TNXB: variants seen among roughly 807,000 people sequenced by gnomAD.
TNXB encodes tenascin-X.
TNXB carries 183 observed loss-of-function variants against 340.5 expected under a neutral mutation model. The ratio of observed to expected loss-of-function variants is 0.54; its 90% CI spans 0.48 to 0.61. The LOEUF (loss-of-function observed/expected upper bound fraction) is 0.61. Ranked by LOEUF, TNXB falls within the 20% of genes least tolerant of loss-of-function variation. The pLI is 0.00. For missense variants in TNXB, 4,613 were observed against 5,446.4 expected, an observed-to-expected ratio of 0.85 and a Z score of 4.82; for synonymous variants, 2,121 against 2,314.5, an observed-to-expected ratio of 0.92 and a Z score of 2.40.
In TNXB at chr6:32,084,606, GA is replaced by G; in HGVS notation, c.3251del (p.Val1084AlafsTer10). The G allele has an allele frequency of 6.2e-7, 1 of 1,608,160 alleles. No homozygotes were observed. Among genetic ancestry groups the G allele is most frequent in the Non-Finnish European group, 8.5e-7 (1 of 1,178,388 alleles). ...TSDSLLLRWTVPEGEFDSFVI... is the reference protein window; with the variant it reads ...TSDSLLLRWTXPEGEFDSFVI... ...CGAAGGAGTCAAACTCGCCCTCGGGGACCGTCCAGCGCAGGAGCAAGGAGTC... is the reference window on the plus strand; with the variant it reads ...CGAAGGAGTCAAACTCGCCCTCGGGGCCGTCCAGCGCAGGAGCAAGGAGTC... On this transcript the variant is annotated frameshift_variant, in exon 8 of 44. Transcript: ENST00000644971. LOFTEE classifies it high-confidence loss of function. The surrounding 1 kb of genome is among the most constrained non-coding windows in gnomAD (Gnocchi z 5.5).
rs766824889 is a variant in TNXB, at chr6:32,062,300, C to T, written c.7025G>A (p.Gly2342Glu). The T allele has an allele frequency of 2.5e-6, 4 of 1,613,466 alleles. No individual in the cohort carries two copies. The highest frequency in any genetic ancestry group is 2.5e-6 in the Non-Finnish European group (3 of 1,179,850). Residue 2342 changes from glycine (G) to glutamate (E), a missense_variant, in exon 20 of 44, where the codon GGG becomes GAG. By Grantham distance (98) the Gly-to-Glu change is moderately conservative. Coordinates refer to ENST00000644971, the MANE Select transcript of TNXB (RefSeq NM_001365276.2). This position sits in a 1 kb window ranked among gnomAD's most constrained non-coding sequence, Gnocchi z 4.3. ...TGGCACCCGTGTTGCCTTGGGCTGC[C>T]CATCCCCATTCTTGTACTGGACCAG... is the stretch of plus-strand genomic sequence containing the variant. The part of the protein sequence containing the change: ...HFLVQYKNGD[G>E]QPKATRVPGH...
chr6:32,097,434 C>G lies in TNXB; in HGVS notation c.419G>C (p.Arg140Pro), dbSNP rs758876550. The change falls in exon 3 of 44, where the codon CGG (arginine) becomes CCG (proline). Residue 140 changes from arginine to proline, a missense_variant. Arg to Pro is a moderately radical substitution (Grantham distance 103). Transcript: ENST00000644971. The surrounding 1 kb of genome is among the most constrained non-coding windows in gnomAD (Gnocchi z 5.9). Reference sequence around the variant, plus strand: ...CACACCATGGAGACTGCAGAGGGTCCGCACATCTGTCTGACCTGGAGTAGG... The same window carrying G: ...CACACCATGGAGACTGCAGAGGGTCGGCACATCTGTCTGACCTGGAGTAGG... Reference protein sequence around the residue: ...AQAGTGQTDVRTLCSLHGVFD... With the variant: ...AQAGTGQTDVPTLCSLHGVFD... The G allele has an allele frequency of 3.8e-6, 6 of 1,597,078 alleles. No homozygotes were observed. The Admixed American group carries it at 6.7e-5, about 18-fold the overall frequency.
At position 32,061,470 on chromosome 6, in the gene TNXB, G is replaced by A; in HGVS notation, c.7419C>T (p.Arg2473=). 1 of 1,613,528 alleles carries A rather than the reference G, an allele frequency of 6.2e-7. No homozygotes were observed. The highest frequency in any genetic ancestry group is 8.5e-7 in the Non-Finnish European group (1 of 1,179,850). ...GGCCATACAGGTGCATCTTGTATTT[G>A]CGCCCAGGCTCCAGGCCCCCCACGG... is the stretch of plus-strand genomic sequence containing the variant. ...EVTVGGLEPG[R]KYKMHLYGLH... Residue 2473 remains arginine, a synonymous_variant, in exon 21 of 44, where the codon CGC becomes CGT. Coordinates refer to ENST00000644971, the MANE Select transcript of TNXB (RefSeq NM_001365276.2). This position sits in a 1 kb window ranked among gnomAD's most constrained non-coding sequence, Gnocchi z 4.4.
intron 22 of TNXB, among the ~76,000 whole-genome samples, chr6:32,057,809 T>C (rs913082103): frequency 6.6e-6 from 1 of 152,178 alleles, no homozygotes; most frequent in Non-Finnish European, 1.5e-5. Flanking sequence ...TGGGTACCCA[T>C]GGGCAGGGTG....
At position 32,049,211 on chromosome 6, in the gene TNXB, AGAAACACAAGG is replaced by A. The variant is rs1249515754; in HGVS notation, c.9757+48_9757+58del. 2 of 1,545,638 alleles carry A rather than the reference AGAAACACAAGG, an allele frequency of 1.3e-6. No homozygotes were observed. The highest frequency in any genetic ancestry group is 1.7e-6 in the Non-Finnish European group (2 of 1,145,674). On this transcript the variant is annotated intron_variant, in intron 28 of 43. Transcript: ENST00000644971. The surrounding 1 kb of genome is among the most constrained non-coding windows in gnomAD (Gnocchi z 4.5). ...CAAAAGAGGTGCCAAGATCCAAAGG[AGAAACACAAGG>A]GGGCTGCAGAGGTAAACCTGGGGAC...
chr6:32,062,387 T>A lies in TNXB; in HGVS notation c.6938A>T (p.Asp2313Val), dbSNP rs1363350812. Reference sequence around the variant, plus strand: ...CAGGCTGAGGGAGTCAGGGGTCGCATCTGTCACGGTCAGCTCCTCCAGGCG... The same window carrying A: ...CAGGCTGAGGGAGTCAGGGGTCGCAACTGTCACGGTCAGCTCCTCCAGGCG... Reference protein sequence around the residue: ...KPRLEELTVTDATPDSLSLSW... With the variant: ...KPRLEELTVTVATPDSLSLSW... The change falls in exon 20 of 44, where the codon GAT becomes GTT. Residue 2313 changes from aspartate to valine, a missense_variant. Physicochemically the swap from Asp to Val is radical, Grantham distance 152. This residue lies in a region of TNXB where 4,327 missense variants were observed against 4,859.4 expected (regional missense o/e 0.89). Coordinates refer to ENST00000644971, the MANE Select transcript of TNXB (RefSeq NM_001365276.2). This position sits in a 1 kb window ranked among gnomAD's most constrained non-coding sequence, Gnocchi z 4.3. 3 of 1,613,182 alleles carry A rather than the reference T, an allele frequency of 1.9e-6. No individual in the cohort carries two copies. Among genetic ancestry groups the A allele is most frequent in the Non-Finnish European group, 2.5e-6 (3 of 1,179,878 alleles).
At chr6:32,091,034 C>T (rs1390919577) in intron 4 of TNXB, among the ~76,000 whole-genome samples, 1 of 152,212 alleles carries the variant, frequency 6.6e-6, no homozygotes, top group Non-Finnish European at 1.5e-5. Context: ...CATCTGGGAA[C>T]AGTCCCCTGA....
At position 32,084,914 on chromosome 6, in the gene TNXB, C is replaced by T. The variant is rs1307490636; in HGVS notation, c.3149-205G>A. ...TGCTTCTTCCCTTGTGACAGTTTCTCCATCCCTCACAAGGTCTTGGTCTCT... is the reference window on the plus strand; with the variant it reads ...TGCTTCTTCCCTTGTGACAGTTTCTTCATCCCTCACAAGGTCTTGGTCTCT... On this transcript the variant is annotated intron_variant, in intron 7 of 43. Transcript: ENST00000644971. The surrounding 1 kb of genome is among the most constrained non-coding windows in gnomAD (Gnocchi z 5.5). 6.6e-6 allele frequency among the ~76,000 whole-genome samples: 1 copy of T among 152,182 alleles called. No individual in the cohort carries two copies. Among genetic ancestry groups the T allele is most frequent in the Middle Eastern group, 3.2e-3 (1 of 316 alleles).
Position 32,041,166 on chromosome 6 carries a change from A to C in TNXB, c.*183T>G. On this transcript the variant is annotated 3_prime_UTR_variant, in exon 44 of 44. Coordinates refer to ENST00000644971, the MANE Select transcript of TNXB (RefSeq NM_001365276.2). ...AGGACCGATGCCAGCCGGGTACCTCAGTTTCTCCTTTATTGCTCCCGTACG... is the reference window on the plus strand; with the variant it reads ...AGGACCGATGCCAGCCGGGTACCTCCGTTTCTCCTTTATTGCTCCCGTACG... 4 of 1,549,338 alleles carry C rather than the reference A, an allele frequency of 2.6e-6. No individual in the cohort carries two copies. The highest frequency in any genetic ancestry group is 3.5e-6 in the Non-Finnish European group (4 of 1,129,414).
chr6:32,054,432 TC>T (rs1461009089), intron 24 of TNXB, among the ~76,000 whole-genome samples: 18 of 152,194 alleles, frequency 1.2e-4, no homozygotes, highest in Admixed American at 3.3e-4. Flanking sequence ...TTCAGGATGA[TC>T]CACCAACTGC....
In TNXB at chr6:32,068,197, C is replaced by A. The variant is rs564414141; in HGVS notation, c.6220+193G>T. On this transcript the variant is annotated intron_variant, in intron 17 of 43. Transcript: ENST00000644971. This position sits in a 1 kb window ranked among gnomAD's most constrained non-coding sequence, Gnocchi z 5.3. ...ACAGCCACCAGCACAGCAAAATTCC[C>A]GATGGCCCCTCTCTGTTCAGGAGGA... Among the ~76,000 whole-genome samples, 1 of 152,154 alleles carries A rather than the reference C, an allele frequency of 6.6e-6. No homozygotes were observed. Among genetic ancestry groups the A allele is most frequent in the Admixed American group, 6.5e-5 (1 of 15,286 alleles).
rs11757862 is a variant in TNXB, at chr6:32,087,975, A to C, written c.2779+810T>G. 3.2e-6 allele frequency: 1 copy of C among 309,898 alleles called. No individual in the cohort carries two copies. The highest frequency in any genetic ancestry group is 6.3e-6 in the Non-Finnish European group (1 of 159,202). 19.2% of individuals were successfully genotyped at this position (309,898 alleles called of 1,614,324 possible). On this transcript the variant is annotated intron_variant, in intron 6 of 43. Transcript: ENST00000644971. This position sits in a 1 kb window ranked among gnomAD's most constrained non-coding sequence, Gnocchi z 9.0. ...GGGCTGGGGGGCGCACCTCCGGGTA[A>C]CTGTAGTGGCCTGGTGCTGCCAGGG...
Position 32,097,594 on chromosome 6 carries a change from G to T in TNXB, c.404-145C>A. On this transcript the variant is annotated intron_variant, in intron 2 of 43. Coordinates refer to ENST00000644971, the MANE Select transcript of TNXB (RefSeq NM_001365276.2). The surrounding 1 kb of genome is among the most constrained non-coding windows in gnomAD (Gnocchi z 5.9). ...GCTCCCAGTTGCTAGTATGTGTAATGTATGCAGCCTCTCAGGGCCCTCGCA... is the reference window on the plus strand; with the variant it reads ...GCTCCCAGTTGCTAGTATGTGTAATTTATGCAGCCTCTCAGGGCCCTCGCA... The T allele has an allele frequency of 3.5e-6, 4 of 1,148,874 alleles. No individual in the cohort carries two copies. Among genetic ancestry groups the T allele is most frequent in the Non-Finnish European group, 4.8e-6 (4 of 834,286 alleles). 71.2% of individuals were successfully genotyped at this position (1,148,874 alleles called of 1,614,324 possible). A position where few individuals can be genotyped will look rare whatever the true frequency, so the allele number is the denominator to read the frequency against.
chr6:32,081,553 C>T lies in TNXB; in HGVS notation c.3857G>A (p.Gly1286Asp), dbSNP rs765426065. ...SLRLSWTVAQGPFDSFMVQYK... is the reference protein window; with the variant it reads ...SLRLSWTVAQDPFDSFMVQYK... ...CTGGACCATGAATGAGTCGAAGGGG[C>T]CCTGGGCCACTGTCCATGAGAGACG... Residue 1286 changes from glycine to aspartate, a missense_variant, in exon 10 of 44, where the codon GGC (glycine) becomes GAC (aspartate). By Grantham distance (94) the Gly-to-Asp change is moderately conservative (BLOSUM62 -1). Around this residue, in one of 7 missense-constraint regions of TNXB, gnomAD observed 4,327 missense variants for 4,859.4 expected, o/e 0.89. Coordinates refer to ENST00000644971, the MANE Select transcript of TNXB (RefSeq NM_001365276.2). The surrounding 1 kb of genome is among the most constrained non-coding windows in gnomAD (Gnocchi z 5.1). 7 of 1,604,376 alleles carry T rather than the reference C, an allele frequency of 4.4e-6. No individual in the cohort carries two copies. The highest frequency in any genetic ancestry group is 4.3e-6 in the Non-Finnish European group (5 of 1,175,702).
rs1780395985 is a variant in TNXB, at chr6:32,096,594, ACGCAGCGGCCGTCCT to A, written c.1244_1258del (p.Glu415_Cys419del). On this transcript the variant is annotated inframe_deletion, in exon 3 of 44. Coordinates refer to ENST00000644971, the MANE Select transcript of TNXB (RefSeq NM_001365276.2). ...GGTTCCAGTGTACCCCGGCCAGCAC[ACGCAGCGGCCGTCCT>A]CGCAGCGGCCCCTTTGGTTGCAGTC... 3.2e-6 allele frequency: 5 copies of A among 1,586,066 alleles called. No individual in the cohort carries two copies. The highest frequency in any genetic ancestry group is 3.4e-6 in the Non-Finnish European group (4 of 1,170,088).
At position 32,048,316 on chromosome 6, in the gene TNXB, A is replaced by T. The variant is rs1169774118; in HGVS notation, c.10045+47T>A. 2.0e-6 allele frequency: 3 copies of T among 1,470,888 alleles called. No homozygotes were observed. In the South Asian group the frequency reaches 4.6e-5, roughly 23 times the overall value. 91.1% of individuals were successfully genotyped at this position (1,470,888 alleles called of 1,614,324 possible). ...AACGTGAAATTCCAACAGGTGCCAC[A>T]AGGGGGCGAAGGCTCTGGCCGCGGG... On this transcript the variant is annotated intron_variant, in intron 29 of 43. Transcript: ENST00000644971.
chr6:32,093,203 G>A (rs1780158009), intron 4 of TNXB: 1 of 597,234 alleles, frequency 1.7e-6, no homozygotes, highest in African/African-American at 1.8e-5. Context: ...TATATACAGA[G>A]AAGAAGAGAG....
Position 32,073,944 on chromosome 6 carries a change from G to A in TNXB, c.4384C>T (p.Gln1462Ter), listed in dbSNP as rs1033940667. 6.3e-7 allele frequency: 1 copy of A among 1,595,162 alleles called. No individual in the cohort carries two copies. The highest frequency in any genetic ancestry group is 1.3e-5 in the African/African-American group (1 of 74,672). Residue 1462 changes from glutamine to a stop codon, truncating the protein, a stop_gained, in exon 12 of 44, where the codon CAA (glutamine) becomes TAA (stop). Coordinates refer to ENST00000644971, the MANE Select transcript of TNXB (RefSeq NM_001365276.2). LOFTEE classifies it high-confidence loss of function. This position sits in a 1 kb window ranked among gnomAD's most constrained non-coding sequence, Gnocchi z 4.6. ...TCAGTGGCTGGAGGGGTCTCTTCTT[G>A]TTGTGGGGCTGGGACAGAGATGGTA... ...VSAVGVTAPQ[Q>*]EETPPATESP... is the part of the protein sequence containing the mutation.
chr6:32,102,233 T>C (rs1297979856), intron 1 of TNXB, among the ~76,000 whole-genome samples: 2 of 152,204 alleles, frequency 1.3e-5, no homozygotes, highest in African/African-American at 2.4e-5. Flanking sequence ...TGGAAAGTTG[T>C]TTGGTAGTAT....
Sources: gnomAD v4.1 joint callset for allele counts (sites outside exome capture counted in the v4.1 genomes callset) on GRCh38, gnomAD v4.1.1 for gene constraint, gnomAD v4.1.1 regional missense constraint, Gnocchi (gnomAD v3.1) non-coding constraint, MANE v1.5 for transcripts, NCBI Gene and HGNC (gene_info 2026-07-23, HGNC 2026-07-21) for gene names.